SLC13A3: variants seen among roughly 807,000 people sequenced by gnomAD.
SLC13A3 encodes Na(+)/dicarboxylate cotransporter 3.
Under a neutral mutation model 59.0 loss-of-function variants are expected in SLC13A3, and 40 were observed. The observed-to-expected ratio is 0.68, with a 90% CI of 0.53 to 0.88. The LOEUF (loss-of-function observed/expected upper bound fraction) is 0.88. Among genes scored for constraint, SLC13A3 ranks in the 40% least tolerant of loss-of-function variants. SLC13A3 has a pLI of 0.00. For missense variants in SLC13A3, 699 were observed against 783.2 expected, an observed-to-expected ratio of 0.89 and a Z score of 1.28; for synonymous variants, 317 against 330.3, an observed-to-expected ratio of 0.96 and a Z score of 0.44.
At chr20:46,667,657 G>T (rs1041234898) in intron 1 of SLC13A3, among the ~76,000 whole-genome samples, 1 of 152,126 alleles carries the variant, frequency 6.6e-6, no homozygotes, top group Admixed American at 6.5e-5. Context: ...TCAAATTCTG[G>T]CTGGGCCACT....
In SLC13A3 at chr20:46,586,328, T is replaced by C. The variant is rs534799981; in HGVS notation, c.1121+1731A>G. ...ACTCCCCTCTCTTGGCTTTTGCTGG[T>C]CCATAGCTCTAAGTTTTCCTTCTAC... On this transcript the variant is annotated intron_variant, in intron 8 of 12. Transcript: ENST00000279027. Among the ~76,000 whole-genome samples, 4 of 152,252 alleles carry C rather than the reference T, an allele frequency of 2.6e-5. 1 individual carries two copies. The highest frequency in any genetic ancestry group is 9.6e-5 in the African/African-American group (4 of 41,544).
chr20:46,627,070 C>T (rs2062681480), intron 1 of SLC13A3, among the ~76,000 whole-genome samples: 1 of 152,202 alleles, frequency 6.6e-6, no homozygotes, highest in South Asian at 2.1e-4. Context: ...TTTGTTCATT[C>T]ACTTATTATC....
In SLC13A3 at chr20:46,559,941, T is replaced by C; in HGVS notation, c.*81A>G. ...TGGATTACAGAAAAGAATTATTTGA[T>C]TGTTTTGTAGTGTCCTAGCAGCAGG... is the stretch of plus-strand genomic sequence containing the variant. On this transcript the variant is annotated 3_prime_UTR_variant, in exon 13 of 13. Transcript: ENST00000279027. 7.4e-7 allele frequency: 1 copy of C among 1,359,996 alleles called. No individual in the cohort carries two copies. Among genetic ancestry groups the C allele is most frequent in the Non-Finnish European group, 1.0e-6 (1 of 975,030 alleles). 84.2% of individuals were successfully genotyped at this position (1,359,996 alleles called of 1,614,324 possible).
chr20:46,584,005 C>T (rs1337162999), intron 8 of SLC13A3: 2 of 985,186 alleles, frequency 2.0e-6, no homozygotes, highest in Admixed American at 1.2e-4. Flanking sequence ...ATCACCCTCA[C>T]CGGGACTCCT....
intron 6 of SLC13A3, among the ~76,000 whole-genome samples, chr20:46,591,349 G>GT (rs2062255000): frequency 6.6e-6 from 1 of 152,212 alleles, no homozygotes; most frequent in African/African-American, 2.4e-5. Context: ...GAGGCCCATG[G>GT]TTGGGAAGAG....
chr20:46,560,152 C>A lies in SLC13A3; in HGVS notation c.1679G>T (p.Ser560Ile), dbSNP rs1461727457. 1 of 1,614,200 alleles carries A rather than the reference C, an allele frequency of 6.2e-7. No individual in the cohort carries two copies. The highest frequency in any genetic ancestry group is 8.5e-7 in the Non-Finnish European group (1 of 1,180,030). Residue 560 changes from serine to isoleucine, a missense_variant, in exon 13 of 13, where the codon AGT becomes ATT. By Grantham distance (142) the Ser-to-Ile change is moderately radical (BLOSUM62 -2). Transcript: ENST00000279027. ...CTGTGCCCAGGTATTCATAGCCAAA[C>A]TGAGCAGCAGGACACCCATCAGGTT... The part of the protein sequence containing the change: ...LMNLMGVLLL[S>I]LAMNTWAQTI...
chr20:46,671,884 G>T (rs2063094485), upstream of SLC13A3, among the ~76,000 whole-genome samples: 1 of 152,156 alleles, frequency 6.6e-6, no homozygotes, highest in African/African-American at 2.4e-5. Context: ...AATAATGGCT[G>T]GGCAGCAAGT....
Position 46,559,803 on chromosome 20 carries a change from C to A in SLC13A3, c.*219G>T. 5.8e-6 allele frequency: 3 copies of A among 513,604 alleles called. No individual in the cohort carries two copies. The highest frequency in any genetic ancestry group is 3.1e-5 in the East Asian group (1 of 32,142). The allele number at this position is 513,604 out of a possible 1,614,324, so 31.8% of individuals were successfully genotyped here. ...ATAAAGGAGCTTATTTCTCAGGCAG[C>A]AGATCTGAGAGATACCTGGGCTTTG... On this transcript the variant is annotated 3_prime_UTR_variant, in exon 13 of 13. Transcript: ENST00000279027.
chr20:46,585,366 G>T, intron 8 of SLC13A3: 5 of 1,000,952 alleles, frequency 5.0e-6, no homozygotes, highest in Non-Finnish European at 6.0e-6. Context: ...TTTCAATTCA[G>T]CATTGTTTGA....
intron 1 of SLC13A3, among the ~76,000 whole-genome samples, chr20:46,623,169 T>C (rs115774641): frequency 0.019 from 2,853 of 152,120 alleles, 100 homozygotes; most frequent in African/African-American, 0.065. Flanking sequence ...GAAAAGAAAA[T>C]GGAATACAAT....
chr20:46,600,049 G>C lies in SLC13A3; in HGVS notation c.542-12C>G. The C allele has an allele frequency of 6.4e-7, 1 of 1,554,210 alleles. No homozygotes were observed. Among genetic ancestry groups the C allele is most frequent in the Non-Finnish European group, 8.8e-7 (1 of 1,139,244 alleles). ...TCTCCGCACAGCAGCTAGGAGGAAA[G>C]AGCATGATGTCTTTAATGTAATGTA... On this transcript the variant is annotated splice_polypyrimidine_tract_variant and intron_variant, in intron 3 of 12. Transcript: ENST00000279027.
chr20:46,635,220 A>G (rs1043775237), intron 1 of SLC13A3, among the ~76,000 whole-genome samples: 3 of 152,134 alleles, frequency 2.0e-5, no homozygotes, highest in Non-Finnish European at 4.4e-5. Context: ...TGGGTCTATC[A>G]TTTGGAGATA....
At chr20:46,611,579 C>T (rs1388943819) in intron 2 of SLC13A3, among the ~76,000 whole-genome samples, 1 of 152,174 alleles carries the variant, frequency 6.6e-6, no homozygotes, top group Non-Finnish European at 1.5e-5. Flanking sequence ...AGGAGTCATC[C>T]AGAACCTTCT....
chr20:46,583,999 C>A, intron 8 of SLC13A3: 1 of 985,310 alleles, frequency 1.0e-6, no homozygotes, highest in Non-Finnish European at 1.2e-6. Flanking sequence ...CTATAAATCA[C>A]CCTCACCGGG....
At chr20:46,583,719 CG>C (rs759249251) in intron 8 of SLC13A3, 50 bp from the exon 9 acceptor site, 375 of 1,608,138 alleles carry the variant, frequency 2.3e-4, no homozygotes, top group South Asian at 2.0e-3. Context: ...CTCAGCGGGC[CG>C]AGGTTTGGCA....
intron 3 of SLC13A3, among the ~76,000 whole-genome samples, chr20:46,605,447 A>C (rs1244849072): frequency 6.6e-6 from 1 of 152,144 alleles, no homozygotes; most frequent in Non-Finnish European, 1.5e-5. Flanking sequence ...GTTGATTAGA[A>C]GCTTGATGCT....
chr20:46,595,799 C>T (rs1438007518), intron 5 of SLC13A3, among the ~76,000 whole-genome samples: 1 of 152,160 alleles, frequency 6.6e-6, no homozygotes, highest in Non-Finnish European at 1.5e-5. Flanking sequence ...ATGGCTCATT[C>T]CCTTCTAGGT....
intron 3 of SLC13A3, among the ~76,000 whole-genome samples, chr20:46,600,313 GGGAA>G (rs144741251): frequency 8.1e-6 from 1 of 123,808 alleles, no homozygotes; most frequent in Non-Finnish European, 1.7e-5. Flanking sequence ...GAAAGAAAGA[GGGAA>G]GGAAGGAAAG....
At chr20:46,609,080 A>AATGCC in intron 3 of SLC13A3, 2 of 1,548,554 alleles carry the variant, frequency 1.3e-6, no homozygotes, top group Non-Finnish European at 8.7e-7. Flanking sequence ...AGGAAGAATC[A>AATGCC]ATGCCGGGGT....
Sources: gnomAD v4.1 joint callset for allele counts (sites outside exome capture counted in the v4.1 genomes callset) on GRCh38, gnomAD v4.1.1 for gene constraint, MANE v1.5 for transcripts, NCBI Gene and HGNC (gene_info 2026-07-23, HGNC 2026-07-21) for gene names.